Variants in ATP8B4 observed in about 807,000 individuals in gnomAD.
The protein encoded by ATP8B4 is ATPase phospholipid transporting 8B4 (putative).
In ATP8B4, 133 loss-of-function variants were observed where a neutral mutation model predicts 145.6. That is an observed-to-expected ratio of 0.91 (90% CI 0.79 to 1.05). The LOEUF (loss-of-function observed/expected upper bound fraction) is 1.05. Ranked by LOEUF, ATP8B4 falls within the 50% of genes least tolerant of loss-of-function variation. ATP8B4 has a pLI of 0.00. For missense variants in ATP8B4, 1,458 were observed against 1,425.2 expected (o/e 1.02, Z -0.37); for synonymous variants, 507 against 492.9 (o/e 1.03, Z -0.38).
chr15:50,052,632 GGA>G (rs1220128278), intron 3 of ATP8B4, among the ~76,000 whole-genome samples: 1 of 152,160 alleles, frequency 6.6e-6, no homozygotes, highest in Non-Finnish European at 1.5e-5. Flanking sequence ...AATGGAGTTG[GGA>G]GAGAGTGTCA....
At chr15:50,018,103 T>C (rs111761714) in intron 6 of ATP8B4, among the ~76,000 whole-genome samples, 18 of 151,534 alleles carry the variant, frequency 1.2e-4, no homozygotes, top group African/African-American at 4.4e-4. Context: ...TTCTCATGCC[T>C]CAGCAGCCTG....
chr15:50,103,822 C>A (rs1036538186), intron 2 of ATP8B4, among the ~76,000 whole-genome samples: 2 of 152,098 alleles, frequency 1.3e-5, no homozygotes, highest in African/African-American at 4.8e-5. Flanking sequence ...CATTACCCGA[C>A]TTCAAACTAT....
intron 1 of ATP8B4, among the ~76,000 whole-genome samples, chr15:50,134,598 A>G (rs1179960744): frequency 6.6e-6 from 1 of 152,190 alleles, no homozygotes; most frequent in Non-Finnish European, 1.5e-5. Flanking sequence ...AAATCAGGGG[A>G]AAAAACATAT....
intron 1 of ATP8B4, among the ~76,000 whole-genome samples, chr15:50,140,609 A>G (rs2044193140): frequency 6.6e-6 from 1 of 152,110 alleles, no homozygotes; most frequent in Non-Finnish European, 1.5e-5. Flanking sequence ...ATCATGTATT[A>G]AAACCATAAC....
At chr15:50,123,373 C>T (rs2057286110), upstream of ATP8B4, among the ~76,000 whole-genome samples, 1 of 152,196 alleles carries the variant, frequency 6.6e-6, no homozygotes, top group Non-Finnish European at 1.5e-5. Flanking sequence ...ACCAGTCTGC[C>T]TTTGTAGGAC....
intron 6 of ATP8B4, among the ~76,000 whole-genome samples, chr15:50,019,137 A>G (rs972302397): frequency 2.0e-5 from 3 of 152,320 alleles, no homozygotes; most frequent in Middle Eastern, 3.4e-3. Context: ...GCAGAAACCA[A>G]ATTCTGTTGA....
intron 25 of ATP8B4, among the ~76,000 whole-genome samples, chr15:49,868,741 A>G (rs2033215894): frequency 6.6e-6 from 1 of 152,214 alleles, no homozygotes; most frequent in Non-Finnish European, 1.5e-5. Flanking sequence ...AAGAAGCATA[A>G]GGAAAGGTTT....
chr15:50,034,925 C>A (rs1184240174), intron 6 of ATP8B4, among the ~76,000 whole-genome samples: 1 of 152,158 alleles, frequency 6.6e-6, no homozygotes, highest in East Asian at 1.9e-4. Flanking sequence ...GCAGACTTGC[C>A]AACAGTATCT....
At chr15:49,943,436 T>A (rs1434956189) in intron 14 of ATP8B4, among the ~76,000 whole-genome samples, 1 of 151,370 alleles carries the variant, frequency 6.6e-6, no homozygotes, top group Non-Finnish European at 1.5e-5. Context: ...TATAATCAAA[T>A]TGTCAAAAGT....
rs1359070060 is a variant in ATP8B4, at chr15:50,146,473, G to A, written c.-43+35788C>T. 2.0e-5 allele frequency among the ~76,000 whole-genome samples: 3 copies of A among 152,102 alleles called. No individual in the cohort carries two copies. In the East Asian group the frequency reaches 5.8e-4, roughly 29 times the overall value. On this transcript the variant is annotated intron_variant, in intron 1 of 3. Coordinates refer to the ATP8B4 transcript ENST00000558829. ...ACTTGTGAATGTGAAATTCTAACTG[G>A]CCACCCTCAGGGAATATTCTAAGGA...
At chr15:49,861,489 C>T (rs1422922192) in intron 27 of ATP8B4, among the ~76,000 whole-genome samples, 2 of 151,454 alleles carry the variant, frequency 1.3e-5, no homozygotes, top group Non-Finnish European at 2.9e-5. Context: ...TACCTACCTA[C>T]CTACCTACCT....
At chr15:50,120,047 A>C (rs2057250896), upstream of ATP8B4, among the ~76,000 whole-genome samples, 1 of 152,154 alleles carries the variant, frequency 6.6e-6, no homozygotes, top group African/African-American at 2.4e-5. Context: ...TAAAAGGAAA[A>C]ATATGGCTTC....
chr15:50,065,020 G>T (rs920473416), intron 3 of ATP8B4, among the ~76,000 whole-genome samples: 1 of 152,086 alleles, frequency 6.6e-6, no homozygotes, highest in Non-Finnish European at 1.5e-5. Context: ...CACTAGCGAT[G>T]ACAATTCGAC....
rs1337876935 is a variant in ATP8B4, at chr15:50,085,925, T to C, written c.29-11740A>G. ...ATCATATATATTTATATATGATATA[T>C]ATCATATATATTTATATATGATATA... On this transcript the variant is annotated intron_variant, in intron 2 of 27. Transcript: ENST00000284509. Among the ~76,000 whole-genome samples, 6 of 110,248 alleles carry C rather than the reference T, an allele frequency of 5.4e-5. 1 individual carries two copies. The Admixed American group carries it at 5.8e-4, about 11-fold the overall frequency. The allele number at this position is 110,248 out of a possible 152,430, so 72.3% of individuals were successfully genotyped here. A position where few individuals can be genotyped will look rare whatever the true frequency, so the allele number is the denominator to read the frequency against.
chr15:49,912,695 A>C (rs2039352942), intron 20 of ATP8B4, among the ~76,000 whole-genome samples: 1 of 152,194 alleles, frequency 6.6e-6, no homozygotes, highest in Admixed American at 6.5e-5. Flanking sequence ...CCTCATACCA[A>C]AATCAGAGAA....
intron 1 of ATP8B4, among the ~76,000 whole-genome samples, chr15:50,167,033 A>G (rs1403969116): frequency 6.6e-6 from 1 of 152,234 alleles, no homozygotes; most frequent in Non-Finnish European, 1.5e-5. Flanking sequence ...TTTACTCACC[A>G]TGAGGCCAAT....
chr15:50,038,871 A>G, intron 5 of ATP8B4, 42 bp from the exon 6 acceptor site: 2 of 1,557,376 alleles, frequency 1.3e-6, no homozygotes, highest in Non-Finnish European at 1.8e-6. Context: ...ATTACAAGGT[A>G]CTTTGTCAGC....
At chr15:49,916,888 C>T in intron 20 of ATP8B4, 46 bp downstream of exon 20, 1 of 1,535,828 alleles carries the variant, frequency 6.5e-7, no homozygotes, top group East Asian at 2.3e-5. Flanking sequence ...TTTTTCCCTC[C>T]CTCCCTCTCG....
At chr15:50,025,841 A>G (rs2049967111) in intron 6 of ATP8B4, among the ~76,000 whole-genome samples, 1 of 152,224 alleles carries the variant, frequency 6.6e-6, no homozygotes, top group Non-Finnish European at 1.5e-5. Context: ...GATTCACTCA[A>G]TAAAGATTGA....
Sources: allele counts gnomAD v4.1 joint callset (sites outside exome capture counted in the v4.1 genomes callset), GRCh38; gene constraint gnomAD v4.1.1; transcripts MANE v1.5; gene names NCBI Gene and HGNC (gene_info 2026-07-23, HGNC 2026-07-21).